DNMT3A: variants seen among roughly 807,000 people sequenced by gnomAD.
DNMT3A encodes DNA methyltransferase 3 alpha.
A neutral mutation model predicts 117.6 loss-of-function variants in DNMT3A; 267 were observed. That is an observed-to-expected ratio of 2.27 (90% CI 2.05 to 2.51). The LOEUF is 2.51. Among genes scored for constraint, DNMT3A ranks in the 30% most tolerant of loss-of-function variants. The pLI, the probability that DNMT3A is intolerant of heterozygous loss-of-function variation, is 0.00. For synonymous variants in DNMT3A, 432 were observed against 474.8 expected (o/e 0.91, Z 1.17); for missense variants, 1,029 against 1,260.2 (o/e 0.82, Z 2.78).
At chr2:25,312,739 C>T (rs1026834586) in intron 2 of DNMT3A, among the ~76,000 whole-genome samples, 1 of 152,216 alleles carries the variant, frequency 6.6e-6, no homozygotes, top group African/African-American at 2.4e-5. Context: ...GAAACACACT[C>T]TGAAGAATGG....
At position 25,247,495 on chromosome 2, in the gene DNMT3A, A is replaced by T; in HGVS notation, c.1014+96T>A. ...GTAGGGGTGAGCAGAACCCACTTCCATCACCCCAATTCCAGACTGCCCCCA... is the reference window on the plus strand; with the variant it reads ...GTAGGGGTGAGCAGAACCCACTTCCTTCACCCCAATTCCAGACTGCCCCCA... On this transcript the variant is annotated intron_variant, in intron 8 of 22. Transcript: ENST00000321117. The surrounding 1 kb of genome is among the most constrained non-coding windows in gnomAD (Gnocchi z 5.6). 6.5e-7 allele frequency: 1 copy of T among 1,533,186 alleles called. No homozygotes were observed. The highest frequency in any genetic ancestry group is 1.2e-5 in the South Asian group (1 of 80,780). The allele number at this position is 1,533,186 out of a possible 1,614,324, so 95.0% of individuals were successfully genotyped here.
chr2:25,251,985 G>A, intron 6 of DNMT3A: 1 of 580,244 alleles, frequency 1.7e-6, no homozygotes, highest in South Asian at 2.4e-5. Flanking sequence ...CCCTCGAGGA[G>A]TGGGGCCTTG....
At chr2:25,279,547 C>T (rs538550465) in intron 4 of DNMT3A, among the ~76,000 whole-genome samples, 3 of 152,268 alleles carry the variant, frequency 2.0e-5, no homozygotes, top group East Asian at 1.9e-4. Flanking sequence ...GCCCACCCCG[C>T]GAGGTAACAT....
intron 3 of DNMT3A, among the ~76,000 whole-genome samples, chr2:25,295,162 G>A (rs1308012216): frequency 6.6e-6 from 1 of 152,186 alleles, no homozygotes; most frequent in Non-Finnish European, 1.5e-5. Context: ...GCAGGAACCA[G>A]CCTCAGACAC....
upstream of DNMT3A, chr2:25,341,998 C>T: frequency 1.1e-6 from 1 of 938,522 alleles, no homozygotes; most frequent in Non-Finnish European, 1.3e-6. Flanking sequence ...GTCGCGCTCC[C>T]TCTCTCCGCC....
At chr2:25,332,501 T>C (rs2035052151) in intron 1 of DNMT3A, among the ~76,000 whole-genome samples, 1 of 152,222 alleles carries the variant, frequency 6.6e-6, no homozygotes, top group Non-Finnish European at 1.5e-5. Flanking sequence ...CCTTCATCTA[T>C]GCAGCCTGTG....
At chr2:25,336,403 G>C (rs1030030880) in intron 1 of DNMT3A, among the ~76,000 whole-genome samples, 1 of 152,056 alleles carries the variant, frequency 6.6e-6, no homozygotes, top group African/African-American at 2.4e-5. Context: ...CCAGAAAAGG[G>C]ACCCTTCTCC....
Position 25,246,164 on chromosome 2 carries a change from T to C in DNMT3A, c.1425A>G (p.Thr475=). 1 of 1,614,114 alleles carries C rather than the reference T, an allele frequency of 6.2e-7. No individual in the cohort carries two copies. The highest frequency in any genetic ancestry group is 1.1e-5 in the South Asian group (1 of 91,062). Residue 475 remains threonine (T), a synonymous_variant, in exon 11 of 23, where the codon ACA becomes ACG. Transcript: ENST00000321117. The part of the protein sequence containing the change: ...PKVKEIIDER[T]RERLVYEVRQ... ...CTCCAGAAGCAGGCCAACTACCTCT[T>C]GTGCGCTCATCAATAATCTCCTTGA... is the stretch of plus-strand genomic sequence containing the variant.
chr2:25,314,343 G>T, intron 1 of DNMT3A, 182 bp from the exon 2 acceptor site: 2 of 985,350 alleles, frequency 2.0e-6, no homozygotes, highest in Non-Finnish European at 2.4e-6. Context: ...TCCTACCCCA[G>T]CAGCCTCTGA....
chr2:25,300,749 ATATAT>A (rs2033453583), intron 2 of DNMT3A, among the ~76,000 whole-genome samples: 1 of 58,252 alleles, frequency 1.7e-5, no homozygotes, highest in South Asian at 5.4e-4. Context: ...ATATATATAT[ATATAT>A]ATATATATAT....
At chr2:25,334,470 G>T (rs2035133379) in intron 1 of DNMT3A, among the ~76,000 whole-genome samples, 1 of 152,272 alleles carries the variant, frequency 6.6e-6, no homozygotes, top group East Asian at 1.9e-4. Flanking sequence ...CCAGGGCTGG[G>T]TCACCTGAGC....
At chr2:25,329,207 G>A (rs1261773554) in intron 1 of DNMT3A, among the ~76,000 whole-genome samples, 1 of 152,160 alleles carries the variant, frequency 6.6e-6, no homozygotes, top group Admixed American at 6.5e-5. Context: ...GTTCTGAGCA[G>A]CACATCTCAG....
At chr2:25,288,407 G>A (rs760316013) in intron 3 of DNMT3A, among the ~76,000 whole-genome samples, 25 of 151,620 alleles carry the variant, frequency 1.6e-4, no homozygotes, top group Non-Finnish European at 2.2e-4. Context: ...TTTTTGAGAC[G>A]GAGTCTCGCT....
chr2:25,264,917 C>A (rs932407973), intron 6 of DNMT3A, among the ~76,000 whole-genome samples: 1 of 152,154 alleles, frequency 6.6e-6, no homozygotes, highest in South Asian at 2.1e-4. Flanking sequence ...TCTCACCCCC[C>A]AACCTGCCGT....
chr2:25,308,622 G>C (rs1028945957), intron 2 of DNMT3A, among the ~76,000 whole-genome samples: 7 of 151,858 alleles, frequency 4.6e-5, no homozygotes, highest in Non-Finnish European at 8.8e-5. Context: ...GAAGAGGTGA[G>C]GGTGCAGCGG....
intron 3 of DNMT3A, among the ~76,000 whole-genome samples, chr2:25,290,352 A>C (rs1573437448): frequency 3.7e-5 from 5 of 135,764 alleles, no homozygotes; most frequent in African/African-American, 5.9e-5. Flanking sequence ...ACGCAGTCTC[A>C]CTCTGTTCTC....
In DNMT3A at chr2:25,237,585, T is replaced by C. The variant is rs1673510469; in HGVS notation, c.2409-580A>G. On this transcript the variant is annotated intron_variant, in intron 20 of 22. Transcript: ENST00000321117. The surrounding 1 kb of genome is among the most constrained non-coding windows in gnomAD (Gnocchi z 5.4). ...GAGTTTGAGTCCATCCTGATCAACATGGTGAAACCCGGTCTCTACTAATAT... is the reference window on the plus strand; with the variant it reads ...GAGTTTGAGTCCATCCTGATCAACACGGTGAAACCCGGTCTCTACTAATAT... Among the ~76,000 whole-genome samples the C allele has an allele frequency of 6.6e-6, 1 of 152,066 alleles. No individual in the cohort carries two copies.
chr2:25,266,713 C>A (rs1013898782), intron 6 of DNMT3A, among the ~76,000 whole-genome samples: 4 of 152,166 alleles, frequency 2.6e-5, no homozygotes, highest in African/African-American at 9.7e-5. Flanking sequence ...GATGTTCAAC[C>A]TTATTATCTG....
chr2:25,321,973 G>A (rs536367276), intron 1 of DNMT3A, among the ~76,000 whole-genome samples: 148 of 152,280 alleles, frequency 9.7e-4, no homozygotes, highest in African/African-American at 3.4e-3. Context: ...CAGAAAGGTT[G>A]GACATGTAAG....
Sources: gnomAD v4.1 joint callset for allele counts (sites outside exome capture counted in the v4.1 genomes callset) on GRCh38, gnomAD v4.1.1 for gene constraint, Gnocchi (gnomAD v3.1) non-coding constraint, MANE v1.5 for transcripts, NCBI Gene and HGNC (gene_info 2026-07-23, HGNC 2026-07-21) for gene names.